Variants in CDH4 observed in about 807,000 individuals in gnomAD.
CDH4 encodes cadherin-4.
In CDH4, 33 loss-of-function variants were observed where a neutral mutation model predicts 86.0. The observed-to-expected ratio is 0.38, with a 90% confidence interval of 0.29 to 0.51. The LOEUF (loss-of-function observed/expected upper bound fraction) is 0.51. Ranked by LOEUF, CDH4 falls within the 20% of genes least tolerant of loss-of-function variation. The probability of loss-of-function intolerance (pLI) is 0.86; values close to 1 mark genes in which losing one functional copy is unlikely to be tolerated. For missense variants in CDH4, 1,114 were observed against 1,307.4 expected (o/e 0.85, Z 2.28); for synonymous variants, 555 against 549.4 (o/e 1.01, Z -0.14).
chr20:61,583,562 A>G (rs1568697392), intron 2 of CDH4, among the ~76,000 whole-genome samples: 1 of 152,146 alleles, frequency 6.6e-6, no homozygotes, highest in Non-Finnish European at 1.5e-5. Context: ...GGAGCGGACA[A>G]GGCTGGGGTG....
At chr20:61,318,035 T>C (rs1027829860) in intron 2 of CDH4, among the ~76,000 whole-genome samples, 1 of 152,144 alleles carries the variant, frequency 6.6e-6, no homozygotes, top group South Asian at 2.1e-4. Flanking sequence ...CCAGAGAGAC[T>C]AAAGGGCTGG....
At chr20:61,856,825 C>T (rs572235104) in intron 6 of CDH4, among the ~76,000 whole-genome samples, 29 of 152,330 alleles carry the variant, frequency 1.9e-4, no homozygotes, top group African/African-American at 5.3e-4. Context: ...GGAGGCAGAC[C>T]CCACCCCAGG....
chr20:61,926,097 G>A (rs946935639), intron 11 of CDH4, among the ~76,000 whole-genome samples: 11 of 152,320 alleles, frequency 7.2e-5, no homozygotes, highest in Middle Eastern at 6.8e-3. Context: ...CAAGGAGACC[G>A]GAGAGAAACC....
chr20:61,371,602 C>T (rs1276295001), intron 2 of CDH4, among the ~76,000 whole-genome samples: 6 of 152,222 alleles, frequency 3.9e-5, no homozygotes, highest in Non-Finnish European at 7.3e-5. Context: ...AATCCCTTCC[C>T]CAAGACCACC....
In CDH4 at chr20:61,936,829, C is replaced by A. The variant is rs140063888; in HGVS notation, c.2637C>A (p.Ser879=). 1 of 1,610,684 alleles carries A rather than the reference C, an allele frequency of 6.2e-7. No homozygotes were observed. Among genetic ancestry groups the A allele is most frequent in the African/African-American group, 1.3e-5 (1 of 74,784 alleles). ...AGGGGAGCGGCTCCACCGCAGGCTC[C>A]GTCAGCTCCCTGAACTCATCCAGTT... is the stretch of plus-strand genomic sequence containing the variant. The part of the protein sequence containing the change: ...DYEGSGSTAG[S]VSSLNSSSSG... Residue 879 remains serine (S), a synonymous_variant, in exon 16 of 16, where the codon TCC becomes TCA. Coordinates refer to ENST00000614565, the MANE Select transcript of CDH4 (RefSeq NM_001794.5).
At chr20:61,356,180 A>C (rs1232256193) in intron 2 of CDH4, among the ~76,000 whole-genome samples, 4 of 152,190 alleles carry the variant, frequency 2.6e-5, no homozygotes, top group African/African-American at 9.7e-5. Context: ...CCTCATCTGG[A>C]ATGACCACTG....
intron 2 of CDH4, among the ~76,000 whole-genome samples, chr20:61,590,879 G>GA (rs949546134): frequency 7.4e-6 from 1 of 135,890 alleles, no homozygotes; most frequent in African/African-American, 3.2e-5. Context: ...AAATCTATGG[G>GA]GGGGGGGGTC....
At chr20:61,262,738 TCCTCCTTA>T (rs948532990) in intron 2 of CDH4, among the ~76,000 whole-genome samples, 8 of 151,994 alleles carry the variant, frequency 5.3e-5, no homozygotes, top group South Asian at 2.1e-4. Flanking sequence ...AAGGGCTTTT[TCCTCCTTA>T]CCTCCTTACC....
intron 2 of CDH4, among the ~76,000 whole-genome samples, chr20:61,486,410 C>G (rs534136898): frequency 6.6e-6 from 1 of 152,358 alleles, no homozygotes; most frequent in African/African-American, 2.4e-5. Flanking sequence ...GGGCCCTACC[C>G]TGTTCCTCTC....
intron 2 of CDH4, among the ~76,000 whole-genome samples, chr20:61,401,904 A>G (rs2085051629): frequency 6.6e-6 from 1 of 152,232 alleles, no homozygotes; most frequent in South Asian, 2.1e-4. Context: ...GTCACCTGTG[A>G]CAAAAGCTGC....
intron 2 of CDH4, among the ~76,000 whole-genome samples, chr20:61,330,817 G>A (rs1186525475): frequency 3.3e-5 from 5 of 152,114 alleles, no homozygotes; most frequent in African/African-American, 9.7e-5. Flanking sequence ...CCTTCCAATC[G>A]CTGCCTGGTT....
At chr20:61,919,239 G>T (rs1159255535) in intron 9 of CDH4, among the ~76,000 whole-genome samples, 1 of 152,224 alleles carries the variant, frequency 6.6e-6, no homozygotes, top group Admixed American at 6.5e-5. Context: ...GTGCCGAGAA[G>T]TCCTGAGTGT....
At chr20:61,404,639 C>T (rs1272110452) in intron 2 of CDH4, among the ~76,000 whole-genome samples, 1 of 151,848 alleles carries the variant, frequency 6.6e-6, no homozygotes, top group Non-Finnish European at 1.5e-5. Context: ...GGCCAAATTT[C>T]CCATTAATCT....
rs889354315 is a variant in CDH4 at position 61,829,275 on chromosome 20, C to T, written c.577-15393C>T. Among the ~76,000 whole-genome samples, 7 of 152,212 alleles carry T rather than the reference C, an allele frequency of 4.6e-5. No individual in the cohort carries two copies. Among genetic ancestry groups the T allele is most frequent in the East Asian group, 1.9e-4 (1 of 5,200 alleles). Reference sequence around the variant, plus strand: ...GGAGGTATTATGTGGGGTTTGTGTCCGGCTTCTTTCGCTGAGCATAATGTT... The same window carrying T: ...GGAGGTATTATGTGGGGTTTGTGTCTGGCTTCTTTCGCTGAGCATAATGTT... On this transcript the variant is annotated intron_variant, in intron 4 of 15. Coordinates refer to ENST00000614565, the MANE Select transcript of CDH4 (RefSeq NM_001794.5). The surrounding 1 kb of genome is among the most constrained non-coding windows in gnomAD (Gnocchi z 4.2).
chr20:61,335,889 T>C (rs997104583), intron 2 of CDH4, among the ~76,000 whole-genome samples: 3 of 152,158 alleles, frequency 2.0e-5, no homozygotes, highest in Non-Finnish European at 4.4e-5. Flanking sequence ...TCTGATCCAA[T>C]CAGAATCATC....
chr20:61,366,655 C>G (rs1044363487), intron 2 of CDH4, among the ~76,000 whole-genome samples: 1 of 152,222 alleles, frequency 6.6e-6, no homozygotes, highest in East Asian at 1.9e-4. Context: ...AGGAGCATGT[C>G]CTTAAGGCAC....
At chr20:61,341,640 A>C (rs2084649768) in intron 2 of CDH4, among the ~76,000 whole-genome samples, 1 of 152,104 alleles carries the variant, frequency 6.6e-6, no homozygotes, top group Non-Finnish European at 1.5e-5. Flanking sequence ...TCCAAAGCAG[A>C]AGCTCCTTCT....
At position 61,287,591 on chromosome 20, in the gene CDH4, C is replaced by T. The variant is rs866272974; in HGVS notation, c.169+32654C>T. The stretch of plus-strand genomic sequence containing the variant: ...CATTGACTTCTGTTCCCTCCCTGGG[C>T]ACAGGGGTGGGGTGGGAGCCTGGAG... On this transcript the variant is annotated intron_variant, in intron 2 of 15. Transcript: ENST00000614565. 1.2e-3 allele frequency among the ~76,000 whole-genome samples: 189 copies of T among 152,306 alleles called. 1 individual carries two copies. The highest frequency in any genetic ancestry group is 4.1e-3 in the African/African-American group (171 of 41,572).
intron 2 of CDH4, among the ~76,000 whole-genome samples, chr20:61,452,577 A>G (rs1014083766): frequency 6.6e-6 from 1 of 152,218 alleles, no homozygotes; most frequent in African/African-American, 2.4e-5. Flanking sequence ...GAAGCATCTC[A>G]TCTGGTGAGC....
Sources: gnomAD v4.1 joint callset for allele counts (sites outside exome capture counted in the v4.1 genomes callset) on GRCh38, gnomAD v4.1.1 for gene constraint, Gnocchi (gnomAD v3.1) non-coding constraint, MANE v1.5 for transcripts, NCBI Gene and HGNC (gene_info 2026-07-23, HGNC 2026-07-21) for gene names.